DCC: variants seen among roughly 807,000 people sequenced by gnomAD.
The protein encoded by DCC is netrin receptor DCC.
Under a neutral mutation model 172.5 loss-of-function variants are expected in DCC, and 58 were observed. The observed-to-expected ratio is 0.34, with a 90% CI of 0.27 to 0.42. The LOEUF is 0.42. Among genes scored for constraint, DCC ranks in the 10% least tolerant of loss-of-function variants. DCC has a pLI of 1.00. For missense variants in DCC, 1,740 were observed against 1,791.0 expected, an observed-to-expected ratio of 0.97 and a Z score of 0.51; for synonymous variants, 709 against 644.5, an observed-to-expected ratio of 1.10 and a Z score of -1.52.
At chr18:53,031,965 T>C (rs558606132) in intron 5 of DCC, among the ~76,000 whole-genome samples, 377 of 152,290 alleles carry the variant, frequency 2.5e-3, no homozygotes, top group African/African-American at 8.4e-3. Context: ...GTTGAACTGG[T>C]CCAGCAATAT....
intron 5 of DCC, among the ~76,000 whole-genome samples, chr18:53,034,109 T>C (rs537410346): frequency 6.6e-6 from 1 of 152,064 alleles, no homozygotes; most frequent in East Asian, 1.9e-4. Flanking sequence ...GATGATATTC[T>C]TCAGTCTCTT....
chr18:52,540,554 G>A (rs909518252), intron 1 of DCC, among the ~76,000 whole-genome samples: 3 of 140,956 alleles, frequency 2.1e-5, no homozygotes, highest in East Asian at 4.2e-4. Context: ...GTTATTTCTC[G>A]AAATAAATGT....
At chr18:53,237,625 G>A (rs1384875375) in intron 12 of DCC, among the ~76,000 whole-genome samples, 5 of 152,014 alleles carry the variant, frequency 3.3e-5, no homozygotes, top group African/African-American at 1.2e-4. Flanking sequence ...ACAATTTAGA[G>A]CGTAGTTTTA....
At chr18:52,826,501 G>T (rs996052042) in intron 2 of DCC, among the ~76,000 whole-genome samples, 3 of 152,018 alleles carry the variant, frequency 2.0e-5, no homozygotes, top group African/African-American at 7.2e-5. Flanking sequence ...TAATGGGAAT[G>T]AGTCTTTCCC....
chr18:52,546,413 G>A (rs1286069038), intron 1 of DCC, among the ~76,000 whole-genome samples: 1 of 152,044 alleles, frequency 6.6e-6, no homozygotes, highest in Non-Finnish European at 1.5e-5. Flanking sequence ...GTAGGGAGCA[G>A]CACAGCCTGG....
chr18:52,869,817 G>C (rs2039288885), intron 2 of DCC, among the ~76,000 whole-genome samples: 1 of 152,166 alleles, frequency 6.6e-6, no homozygotes, highest in African/African-American at 2.4e-5. Flanking sequence ...CAATATTGCA[G>C]TGGGTGCCAG....
chr18:52,947,978 TAGAA>T (rs576208203), intron 5 of DCC, among the ~76,000 whole-genome samples: 18 of 152,224 alleles, frequency 1.2e-4, no homozygotes, highest in African/African-American at 4.3e-4. Context: ...CTCTAAAAGG[TAGAA>T]AGGCATCTAA....
chr18:52,432,416 G>A (rs1987655209), intron 1 of DCC, among the ~76,000 whole-genome samples: 2 of 152,120 alleles, frequency 1.3e-5, no homozygotes, highest in African/African-American at 4.8e-5. Flanking sequence ...TTATGTTCAA[G>A]AGGGACCAAA....
intron 12 of DCC, among the ~76,000 whole-genome samples, chr18:53,294,246 C>G (rs539918188): frequency 6.6e-6 from 1 of 152,158 alleles, no homozygotes; most frequent in South Asian, 2.1e-4. Context: ...AAAAATAACC[C>G]TAACTGTGTT....
chr18:53,291,888 A>C (rs1156285273), intron 12 of DCC, among the ~76,000 whole-genome samples: 2 of 152,270 alleles, frequency 1.3e-5, no homozygotes, highest in East Asian at 1.9e-4. Flanking sequence ...GGAACAACCA[A>C]ATTGCTTTAT....
chr18:52,864,538 T>G (rs2039190712), intron 2 of DCC, among the ~76,000 whole-genome samples: 1 of 152,180 alleles, frequency 6.6e-6, no homozygotes, highest in South Asian at 2.1e-4. Flanking sequence ...TATTATACTT[T>G]GAGTTCTGGG....
chr18:53,136,474 G>A (rs2043744567), intron 7 of DCC, among the ~76,000 whole-genome samples: 1 of 152,078 alleles, frequency 6.6e-6, no homozygotes, highest in Non-Finnish European at 1.5e-5. Context: ...GAAAAAATTA[G>A]CCTATCTACC....
rs1264639555 is a variant in DCC, at chr18:53,514,584, C to A, written c.4112-12033C>A. Among the ~76,000 whole-genome samples, 28 of 152,030 alleles carry A rather than the reference C, an allele frequency of 1.8e-4. 1 individual carries two copies. Among genetic ancestry groups the A allele is most frequent in the Non-Finnish European group, 4.4e-5 (3 of 68,014 alleles). On this transcript the variant is annotated intron_variant, in intron 27 of 28. Coordinates refer to ENST00000442544, the MANE Select transcript of DCC (RefSeq NM_005215.4). The stretch of plus-strand genomic sequence containing the variant: ...AATAAAGAAAAAAAGAGAGAAGAAT[C>A]AAATAGACACAATAAAAAATGATAA...
intron 10 of DCC, among the ~76,000 whole-genome samples, chr18:53,206,246 T>TAC (rs1568364810): frequency 7.5e-6 from 1 of 132,958 alleles, no homozygotes; most frequent in Non-Finnish European, 1.5e-5. Flanking sequence ...TTATACATAA[T>TAC]ACATATATAC....
chr18:53,423,006 T>G (rs573107546), intron 21 of DCC, among the ~76,000 whole-genome samples: 1 of 152,078 alleles, frequency 6.6e-6, no homozygotes, highest in African/African-American at 2.4e-5. Context: ...TTTAATGGAG[T>G]GTTAAGGTGC....
At chr18:53,290,316 A>G (rs2056986577) in intron 12 of DCC, among the ~76,000 whole-genome samples, 1 of 152,206 alleles carries the variant, frequency 6.6e-6, no homozygotes. Flanking sequence ...TGTTAACATG[A>G]GTTATGTGAA....
chr18:53,288,555 T>A (rs933555023), intron 12 of DCC, among the ~76,000 whole-genome samples: 2 of 152,260 alleles, frequency 1.3e-5, no homozygotes, highest in East Asian at 3.9e-4. Context: ...TTCCTTGTAA[T>A]CTAATGGCTT....
chr18:53,076,144 GGTATTTTGGCACAAGACGTAT>G (rs1223310913), intron 7 of DCC, among the ~76,000 whole-genome samples: 1 of 152,048 alleles, frequency 6.6e-6, no homozygotes, highest in African/African-American at 2.4e-5. Context: ...CTTGCCTGCT[GGTATTTTGGCACAAGACGTAT>G]GATACAACAA....
At chr18:53,080,724 T>C (rs1297025559) in intron 7 of DCC, among the ~76,000 whole-genome samples, 1 of 152,130 alleles carries the variant, frequency 6.6e-6, no homozygotes, top group African/African-American at 2.4e-5. Context: ...GAATGATTAA[T>C]TCAAAGAATT....
Sources: gnomAD v4.1 joint callset for allele counts (sites outside exome capture counted in the v4.1 genomes callset) on GRCh38, gnomAD v4.1.1 for gene constraint, MANE v1.5 for transcripts, NCBI Gene and HGNC (gene_info 2026-07-23, HGNC 2026-07-21) for gene names.